The following GRIP2 variants were observed in gnomAD, a reference collection of about 807,000 sequenced individuals.
GRIP2 encodes glutamate receptor interacting protein 2.
In GRIP2, 58 loss-of-function variants were observed where a neutral mutation model predicts 108.3. The observed-to-expected ratio is 0.54, with a 90% CI of 0.43 to 0.67. The LOEUF (loss-of-function observed/expected upper bound fraction) is 0.67. GRIP2 is among the 30% of genes least tolerant of loss of function. The probability of loss-of-function intolerance (pLI) is 0.00; values close to 1 mark genes in which losing one functional copy is unlikely to be tolerated. For synonymous variants in GRIP2, 586 were observed against 598.2 expected (o/e 0.98, Z 0.30); for missense variants, 1,278 against 1,430.6 (o/e 0.89, Z 1.72).
the GRIP2 span, chr3:14,573,563 C>T: frequency 1.4e-6 from 2 of 1,441,594 alleles, no homozygotes; most frequent in Non-Finnish European, 1.9e-6. Context: ...AATAGCCCCT[C>T]ATGAAGTCAC....
At chr3:14,598,546 C>A in the GRIP2 span, among the ~76,000 whole-genome samples, 1 of 152,106 alleles carries the variant, frequency 6.6e-6, no homozygotes, top group Non-Finnish European at 1.5e-5. Context: ...CATGCTGTTT[C>A]TCTGCCTGGG....
upstream of GRIP2, chr3:14,541,885 C>T (rs376138941): frequency 7.5e-7 from 1 of 1,334,638 alleles, no homozygotes; most frequent in African/African-American, 1.5e-5. Context: ...AATTTGGCCA[C>T]CGGTACCCTG....
At position 14,507,523 on chromosome 3, in the gene GRIP2, C is replaced by T. The variant is rs761829184; in HGVS notation, c.2218+38G>A. On this transcript the variant is annotated intron_variant, in intron 18 of 23. Coordinates refer to ENST00000621039, the MANE Select transcript of GRIP2 (RefSeq NM_001080423.4). The surrounding 1 kb of genome is among the most constrained non-coding windows in gnomAD (Gnocchi z 4.6). The stretch of plus-strand genomic sequence containing the variant: ...GCACAGAGGGATTGCCCTTCCTAAA[C>T]CTGCTGGGTGGCTCCCAGGGGATGA... 4 of 1,605,468 alleles carry T rather than the reference C, an allele frequency of 2.5e-6. No homozygotes were observed. In the African/African-American group the frequency reaches 5.3e-5, roughly 21 times the overall value.
upstream of GRIP2, chr3:14,556,168 C>G (rs1483190979): frequency 1.3e-5 from 5 of 393,762 alleles, no homozygotes; most frequent in Non-Finnish European, 1.8e-5. Context: ...TCCAAAGCAG[C>G]CGGGCCTGGG....
chr3:14,572,936 G>A, the GRIP2 span: 1 of 1,401,840 alleles, frequency 7.1e-7, no homozygotes. Context: ...ACTCACGGCA[G>A]ACAGGATAGA....
upstream of GRIP2, among the ~76,000 whole-genome samples, chr3:14,546,550 T>A (rs2124972049): frequency 6.6e-6 from 1 of 152,136 alleles, no homozygotes; most frequent in South Asian, 2.1e-4. Flanking sequence ...TGACAGCCAA[T>A]AGGGCACGTT....
At chr3:14,592,712 C>A in the GRIP2 span, among the ~76,000 whole-genome samples, 1 of 152,164 alleles carries the variant, frequency 6.6e-6, no homozygotes, top group African/African-American at 2.4e-5. Flanking sequence ...CTTGTGGTGG[C>A]CTAGCACAAA....
At position 14,511,479 on chromosome 3, in the gene GRIP2, G is replaced by A. The variant is rs764546209; in HGVS notation, c.1721C>T (p.Ser574Leu). ...RSVELGITIS[S>L]ASRKRGEPLI... ...GGGCTCCCCTCGTTTCCTGCTGGCC[G>A]CTGGAGAAAAAGAGGCCATGAATCT... The change falls in exon 15 of 24, where the codon TCG (serine) becomes TTG (leucine). Residue 574 changes from serine (S) to leucine (L), a missense_variant and splice_region_variant. Transcript: ENST00000621039. The surrounding 1 kb of genome is among the most constrained non-coding windows in gnomAD (Gnocchi z 4.1). The A allele has an allele frequency of 1.1e-5, 17 of 1,613,154 alleles. No individual in the cohort carries two copies. Among genetic ancestry groups the A allele is most frequent in the African/African-American group, 1.3e-5 (1 of 75,020 alleles).
At chr3:14,584,741 C>T in the GRIP2 span, among the ~76,000 whole-genome samples, 5,433 of 152,234 alleles carry the variant, frequency 0.036, 313 homozygotes, top group African/African-American at 0.12. Flanking sequence ...GCCTCTCAGA[C>T]GGCAGAGAAG....
At chr3:14,589,599 C>T in the GRIP2 span, among the ~76,000 whole-genome samples, 91 of 152,182 alleles carry the variant, frequency 6.0e-4, no homozygotes, top group Non-Finnish European at 1.1e-3. Context: ...TTGTCTAGTG[C>T]GTCTGTGATA....
chr3:14,580,202 G>C, the GRIP2 span, among the ~76,000 whole-genome samples: 1 of 152,208 alleles, frequency 6.6e-6, no homozygotes, highest in Admixed American at 6.5e-5. Flanking sequence ...GTAGTCCATG[G>C]AGACCACACC....
the GRIP2 span, among the ~76,000 whole-genome samples, chr3:14,599,370 G>A: frequency 6.6e-6 from 1 of 152,164 alleles, no homozygotes; most frequent in African/African-American, 2.4e-5. Flanking sequence ...AGAATCTGCT[G>A]GTGGAAATCT....
At chr3:14,553,354 G>C (rs957809940) in intron 1 of GRIP2, among the ~76,000 whole-genome samples, 1 of 151,890 alleles carries the variant, frequency 6.6e-6, no homozygotes, top group Admixed American at 6.6e-5. Context: ...CAAGTGATCC[G>C]CCCACCTCGG....
intron 19 of GRIP2, among the ~76,000 whole-genome samples, chr3:14,506,390 G>A (rs1693928202): frequency 2.0e-5 from 3 of 152,178 alleles, no homozygotes; most frequent in Admixed American, 6.5e-5. Flanking sequence ...CCCCACATCC[G>A]GTCTTGTAGG....
chr3:14,596,730 G>T, the GRIP2 span, among the ~76,000 whole-genome samples: 1,341 of 152,126 alleles, frequency 8.8e-3, 18 homozygotes, highest in African/African-American at 0.03. Flanking sequence ...TATGTGGGAT[G>T]ATTAGGGAAG....
the GRIP2 span, chr3:14,573,129 A>C: frequency 7.0e-7 from 1 of 1,434,582 alleles, no homozygotes; most frequent in Non-Finnish European, 9.8e-7. Context: ...CCAGGGCAGC[A>C]GCCCAAAGGT....
intron 21 of GRIP2, among the ~76,000 whole-genome samples, chr3:14,498,879 A>G (rs1014947887): frequency 1.3e-5 from 2 of 152,250 alleles, no homozygotes; most frequent in African/African-American, 4.8e-5. Flanking sequence ...TGTCTGGCTT[A>G]TGGAAGTTAG....
At chr3:14,580,798 G>T in the GRIP2 span, among the ~76,000 whole-genome samples, 1 of 152,172 alleles carries the variant, frequency 6.6e-6, no homozygotes, top group African/African-American at 2.4e-5. Flanking sequence ...TGGCTGTGAA[G>T]GTATTTTTTA....
At chr3:14,555,624 G>C (rs1025277090) in intron 1 of GRIP2, among the ~76,000 whole-genome samples, 1 of 151,864 alleles carries the variant, frequency 6.6e-6, no homozygotes, top group Non-Finnish European at 1.5e-5. Context: ...GAGAGAGACA[G>C]AGAGACAGTG....
Sources: allele counts gnomAD v4.1 joint callset (sites outside exome capture counted in the v4.1 genomes callset), GRCh38; gene constraint gnomAD v4.1.1; non-coding constraint Gnocchi (gnomAD v3.1); transcripts MANE v1.5; gene names NCBI Gene and HGNC (gene_info 2026-07-23, HGNC 2026-07-21).